Variants in GCNT1 observed in about 807,000 individuals in gnomAD.
The protein encoded by GCNT1 is glucosaminyl (N-acetyl) transferase 1, also known as beta-1,3-galactosyl-O-glycosyl-glycoprotein beta-1,6-N-acetylglucosaminyltransferase.
GCNT1 carries 16 observed loss-of-function variants against 26.2 expected under a neutral mutation model. The observed-to-expected ratio is 0.61, with a 90% CI of 0.41 to 0.93. The LOEUF (loss-of-function observed/expected upper bound fraction) is 0.93. Ranked by LOEUF, GCNT1 falls within the 40% of genes least tolerant of loss-of-function variation. GCNT1 has a pLI of 0.00. For missense variants in GCNT1, 477 were observed against 526.7 expected (o/e 0.91, Z 0.92); for synonymous variants, 183 against 190.8 (o/e 0.96, Z 0.34).
intron 1 of GCNT1, among the ~76,000 whole-genome samples, chr9:76,430,044 T>C (rs1413528320): frequency 6.6e-6 from 1 of 152,130 alleles, no homozygotes; most frequent in African/African-American, 2.4e-5. Context: ...CATTTGCAAA[T>C]GTCCCATTAG....
At chr9:76,480,022 A>G (rs935331874) in intron 2 of GCNT1, among the ~76,000 whole-genome samples, 1 of 152,132 alleles carries the variant, frequency 6.6e-6, no homozygotes, top group Non-Finnish European at 1.5e-5. Flanking sequence ...ATCTTGAATT[A>G]ATTTTTGTAT....
the GCNT1 span, among the ~76,000 whole-genome samples, chr9:76,405,288 A>AACACACACACACACACAC: frequency 2.4e-3 from 355 of 149,738 alleles, 1 homozygote; most frequent in African/African-American, 8.4e-3. Context: ...CCTGACCTTC[A>AACACACACACACACACAC]ACACACACAC....
At chr9:76,470,469 G>A (rs1362023666) in intron 2 of GCNT1, among the ~76,000 whole-genome samples, 5 of 151,960 alleles carry the variant, frequency 3.3e-5, no homozygotes, top group African/African-American at 1.2e-4. Flanking sequence ...GCTGGGTGTG[G>A]TGGTGTGCGT....
the GCNT1 span, among the ~76,000 whole-genome samples, chr9:76,407,311 G>T: frequency 6.6e-6 from 1 of 151,900 alleles, no homozygotes; most frequent in Non-Finnish European, 1.5e-5. Flanking sequence ...TCTATGTCTA[G>T]ATTCTTTTTT....
chr9:76,482,098 A>G (rs997756438), intron 2 of GCNT1, among the ~76,000 whole-genome samples: 36 of 152,072 alleles, frequency 2.4e-4, no homozygotes, highest in Admixed American at 2.2e-3. Context: ...GCTGTTTGCT[A>G]TAAAAATAGC....
At chr9:76,488,329 G>A (rs978994291) in intron 2 of GCNT1, among the ~76,000 whole-genome samples, 2 of 151,838 alleles carry the variant, frequency 1.3e-5, no homozygotes, top group African/African-American at 4.8e-5. Context: ...TTTTTCTTCT[G>A]TTTTCTTTTT....
chr9:76,436,557 A>C (rs567233399), intron 1 of GCNT1, among the ~76,000 whole-genome samples: 2 of 139,682 alleles, frequency 1.4e-5, no homozygotes, highest in East Asian at 4.2e-4. Context: ...GCACCACTGC[A>C]CTCTGCACTC....
In GCNT1 at chr9:76,482,950, C is replaced by T. The variant is rs567262106; in HGVS notation, c.-289-17966C>T. ...TATAGGTGTGAGCCACTGCATCTGG[C>T]CAAATTAACAGTATATTATCTTTAA... On this transcript the variant is annotated intron_variant, in intron 2 of 3. Transcript: ENST00000376730. Among the ~76,000 whole-genome samples the T allele has an allele frequency of 1.1e-4, 16 of 151,288 alleles. No homozygotes were observed. In the South Asian group the frequency reaches 3.2e-3, roughly 30 times the overall value.
chr9:76,424,684 T>C (rs1220759108), intron 1 of GCNT1, among the ~76,000 whole-genome samples: 1 of 152,164 alleles, frequency 6.6e-6, no homozygotes, highest in African/African-American at 2.4e-5. Context: ...GATAACTAAA[T>C]CTCTTTTTGT....
chr9:76,405,492 G>A, the GCNT1 span, among the ~76,000 whole-genome samples: 4 of 152,122 alleles, frequency 2.6e-5, no homozygotes, highest in African/African-American at 7.2e-5. Context: ...CACCATTATC[G>A]TATCATACAG....
chr9:76,464,407 G>A (rs1038456139), intron 2 of GCNT1, among the ~76,000 whole-genome samples: 1 of 152,078 alleles, frequency 6.6e-6, no homozygotes, highest in Non-Finnish European at 1.5e-5. Context: ...AATGGAGATG[G>A]GGTTTTGCCA....
rs1302348423 is a variant in GCNT1 at position 76,505,420 on chromosome 9, C to G, written c.*1752C>G. On this transcript the variant is annotated 3_prime_UTR_variant, in exon 4 of 4. Transcript: ENST00000376730. ...CTCGAGATGATGAGGGTGGTACATGCAGTGTGTTCTCTCTTTATTGGCTTC... is the reference window on the plus strand; with the variant it reads ...CTCGAGATGATGAGGGTGGTACATGGAGTGTGTTCTCTCTTTATTGGCTTC... 1 of 167,292 alleles carries G rather than the reference C, an allele frequency of 6.0e-6. No individual in the cohort carries two copies. The highest frequency in any genetic ancestry group is 1.5e-5 in the Non-Finnish European group (1 of 68,322). The allele number at this position is 167,292 out of a possible 1,614,324, so 10.4% of individuals were successfully genotyped here. A position where few individuals can be genotyped will look rare whatever the true frequency, so the allele number is the denominator to read the frequency against.
At chr9:76,421,689 GT>G (rs1182829928) in intron 1 of GCNT1, among the ~76,000 whole-genome samples, 48 of 74,782 alleles carry the variant, frequency 6.4e-4, no homozygotes, top group South Asian at 4.6e-3. Context: ...TTTGTAGGTT[GT>G]TTTTTTTTTT....
At chr9:76,454,867 TAGAC>T (rs538179556), upstream of GCNT1, among the ~76,000 whole-genome samples, 596 of 136,894 alleles carry the variant, frequency 4.4e-3, 19 homozygotes, top group Admixed American at 0.04. Flanking sequence ...TTTTTTTTGT[TAGAC>T]AGAGTCTCAC....
intron 2 of GCNT1, among the ~76,000 whole-genome samples, chr9:76,465,155 G>GTTTTT (rs374781585): frequency 7.6e-5 from 11 of 144,996 alleles, no homozygotes; most frequent in African/African-American, 7.6e-5. Flanking sequence ...TCTGATTTGA[G>GTTTTT]TTTTTTTTTT....
At chr9:76,486,293 C>T (rs142098670) in intron 2 of GCNT1, among the ~76,000 whole-genome samples, 11 of 152,310 alleles carry the variant, frequency 7.2e-5, no homozygotes, top group African/African-American at 2.4e-4. Flanking sequence ...TGTTAATGCT[C>T]TTACAGTTGC....
intron 1 of GCNT1, among the ~76,000 whole-genome samples, chr9:76,443,627 T>A (rs1284371085): frequency 6.6e-6 from 1 of 152,202 alleles, no homozygotes; most frequent in Admixed American, 6.5e-5. Flanking sequence ...CATGAACATG[T>A]CACAGTGCTG....
chr9:76,472,720 CTTTCTTTTCTTTTCT>C (rs547939879), intron 2 of GCNT1, among the ~76,000 whole-genome samples: 22 of 130,214 alleles, frequency 1.7e-4, no homozygotes, highest in South Asian at 1.4e-3. Context: ...AGAATCTTGT[CTTTCTTTTCTTTTCT>C]TTTCTTTTCT....
At chr9:76,412,701 G>A in the GCNT1 span, among the ~76,000 whole-genome samples, 3 of 152,134 alleles carry the variant, frequency 2.0e-5, no homozygotes, top group African/African-American at 4.8e-5. Flanking sequence ...ACAGCTTCTG[G>A]TTCTCTACTT....
Sources: gnomAD v4.1 joint callset for allele counts (sites outside exome capture counted in the v4.1 genomes callset) on GRCh38, gnomAD v4.1.1 for gene constraint, MANE v1.5 for transcripts, NCBI Gene and HGNC (gene_info 2026-07-23, HGNC 2026-07-21) for gene names.